Variants in WDR35 observed in about 807,000 individuals in gnomAD.
WDR35 encodes WD repeat-containing protein 35.
A neutral mutation model predicts 158.3 loss-of-function variants in WDR35; 118 were observed. The ratio of observed to expected loss-of-function variants is 0.75; its 90% CI spans 0.64 to 0.87. The LOEUF is 0.87. Among genes scored for constraint, WDR35 ranks in the 40% least tolerant of loss-of-function variants. WDR35 has a pLI of 0.00. For missense variants in WDR35, 1,263 were observed against 1,405.8 expected, an observed-to-expected ratio of 0.90 and a Z score of 1.62; for synonymous variants, 448 against 476.1, an observed-to-expected ratio of 0.94 and a Z score of 0.77.
At position 19,945,917 on chromosome 2, in the gene WDR35, G is replaced by A. The variant is rs981395541; in HGVS notation, c.1714C>T (p.Gln572Ter). 6.2e-7 allele frequency: 1 copy of A among 1,613,750 alleles called. No individual in the cohort carries two copies. The highest frequency in any genetic ancestry group is 8.5e-7 in the Non-Finnish European group (1 of 1,179,884). The change falls in exon 16 of 27, where the codon CAA becomes TAA. Residue 572 changes from glutamine to a stop codon, truncating the protein, a stop_gained. Coordinates refer to ENST00000281405, the MANE Select transcript of WDR35 (RefSeq NM_020779.4). LOFTEE classifies it high-confidence loss of function. The stretch of plus-strand genomic sequence containing the variant: ...AATTTTAACAACTCTCCAACTACTT[G>A]CTGTCCCGTACTGTCCGTTACTCGA... ...DARVTDSTGQ[Q>*]VVGELLKLER...
intron 25 of WDR35, among the ~76,000 whole-genome samples, chr2:19,926,410 T>G (rs1285888603): frequency 1.3e-5 from 2 of 152,250 alleles, no homozygotes; most frequent in Non-Finnish European, 2.9e-5. Context: ...ATACTTCAGT[T>G]CAAAAAGCGA....
In WDR35 at chr2:19,910,360, G is replaced by A. The variant is rs1669795014; in HGVS notation, c.*3198C>T. ...TGGAATACAGAAAAATAGTTTCAAAGTGTATTTTAGCAAAACAATTTATAA... is the reference window on the plus strand; with the variant it reads ...TGGAATACAGAAAAATAGTTTCAAAATGTATTTTAGCAAAACAATTTATAA... On this transcript the variant is annotated 3_prime_UTR_variant, in exon 27 of 27. Transcript: ENST00000281405. 6.6e-6 allele frequency: 1 copy of A among 152,132 alleles called. No homozygotes were observed. The highest frequency in any genetic ancestry group is 2.1e-4 in the South Asian group (1 of 4,826). The allele number at this position is 152,132 out of a possible 1,614,324, so 9.4% of individuals were successfully genotyped here.
At chr2:19,963,510 C>T (rs1219796784) in intron 10 of WDR35, among the ~76,000 whole-genome samples, 1 of 152,068 alleles carries the variant, frequency 6.6e-6, no homozygotes, top group Non-Finnish European at 1.5e-5. Context: ...TCTCTTGGAG[C>T]CTTCTGACCT....
At chr2:19,915,521 C>T (rs1031197314) in intron 25 of WDR35, among the ~76,000 whole-genome samples, 1 of 151,014 alleles carries the variant, frequency 6.6e-6, no homozygotes, top group African/African-American at 2.4e-5. Context: ...TCTTTTAAGT[C>T]TAGAAATGGT....
intron 25 of WDR35, among the ~76,000 whole-genome samples, chr2:19,916,017 G>A (rs575908407): frequency 8.1e-4 from 124 of 152,216 alleles, no homozygotes; most frequent in Admixed American, 1.5e-3. Context: ...CGCAGAAGGT[G>A]GGTGATTTCC....
chr2:19,928,873 C>T (rs1670441689), intron 25 of WDR35, among the ~76,000 whole-genome samples: 1 of 151,302 alleles, frequency 6.6e-6, no homozygotes, highest in Non-Finnish European at 1.5e-5. Flanking sequence ...GCGGTGCGAT[C>T]TCGGCTCACT....
intron 25 of WDR35, among the ~76,000 whole-genome samples, chr2:19,916,617 C>T (rs772226298): frequency 1.8e-4 from 28 of 152,268 alleles, no homozygotes; most frequent in African/African-American, 6.5e-4. Flanking sequence ...TAAACAAAGC[C>T]GCTGGGAAGT....
At chr2:19,932,704 T>TTACA (rs1223013401) in intron 22 of WDR35, among the ~76,000 whole-genome samples, 6 of 152,314 alleles carry the variant, frequency 3.9e-5, no homozygotes, top group Admixed American at 2.6e-4. Flanking sequence ...TATAATCATA[T>TTACA]TAATCTTGTA....
Position 19,952,781 on chromosome 2 carries a change from C to CTTTTTT in WDR35, c.1400+1047_1400+1052dup, listed in dbSNP as rs773596785. On this transcript the variant is annotated intron_variant, in intron 12 of 26. Transcript: ENST00000281405. Reference sequence around the variant, plus strand: ...CACATGAATTCGCATACTCAACATACTTTTTTTTTTTTTTTTTTTTTTTTT... The same window carrying CTTTTTT: ...CACATGAATTCGCATACTCAACATACTTTTTTTTTTTTTTTTTTTTTTTTTTTTTTT... Among the ~76,000 whole-genome samples the CTTTTTT allele has an allele frequency of 7.9e-4, 68 of 86,290 alleles. 1 individual carries two copies. Among genetic ancestry groups the CTTTTTT allele is most frequent in the Non-Finnish European group, 9.7e-4 (45 of 46,498 alleles). The allele number at this position is 86,290 out of a possible 152,430, so 56.6% of individuals were successfully genotyped here.
At chr2:19,981,073 G>C (rs576857407) in intron 3 of WDR35, among the ~76,000 whole-genome samples, 1 of 152,206 alleles carries the variant, frequency 6.6e-6, no homozygotes, top group Non-Finnish European at 1.5e-5. Context: ...ACAAATACAA[G>C]CATGGTTTAC....
At chr2:19,971,019 ACATT>A (rs1463255011) in intron 8 of WDR35, among the ~76,000 whole-genome samples, 2 of 151,946 alleles carry the variant, frequency 1.3e-5, no homozygotes, top group Non-Finnish European at 2.9e-5. Context: ...CAATAAATAT[ACATT>A]CAAATTTTTT....
intron 11 of WDR35, among the ~76,000 whole-genome samples, chr2:19,959,510 T>C (rs1228351238): frequency 1.3e-5 from 2 of 151,990 alleles, no homozygotes; most frequent in African/African-American, 2.4e-5. Context: ...ATAAAACATA[T>C]AAACATGCCT....
chr2:19,958,252 C>T (rs1671511661), intron 11 of WDR35, among the ~76,000 whole-genome samples: 1 of 152,206 alleles, frequency 6.6e-6, no homozygotes. Flanking sequence ...ACTTTCCATG[C>T]CTTCATTCCT....
At chr2:19,964,861 CCTTTT>C (rs1671798368) in intron 10 of WDR35, among the ~76,000 whole-genome samples, 1 of 152,088 alleles carries the variant, frequency 6.6e-6, no homozygotes, top group Non-Finnish European at 1.5e-5. Context: ...TCTATAGTAT[CCTTTT>C]CTTATTTTAT....
intron 26 of WDR35, 78 bp from the exon 27 acceptor site, chr2:19,913,786 A>C: frequency 6.3e-7 from 1 of 1,580,356 alleles, no homozygotes; most frequent in Non-Finnish European, 8.6e-7. Flanking sequence ...ACTTAAAAAA[A>C]ACCTAAAGAA....
At chr2:19,955,930 A>G (rs1165206525) in intron 11 of WDR35, among the ~76,000 whole-genome samples, 1 of 152,028 alleles carries the variant, frequency 6.6e-6, no homozygotes, top group East Asian at 1.9e-4. Flanking sequence ...TTCTTTTTTC[A>G]CTGTAACTGT....
rs1177828657 is a variant in WDR35, at chr2:19,911,511, T to G, written c.*2047A>C. 6.6e-6 allele frequency: 1 copy of G among 152,278 alleles called. No individual in the cohort carries two copies. The highest frequency in any genetic ancestry group is 2.4e-5 in the African/African-American group (1 of 41,480). The allele number at this position is 152,278 out of a possible 1,614,324, so 9.4% of individuals were successfully genotyped here. On this transcript the variant is annotated 3_prime_UTR_variant, in exon 27 of 27. Coordinates refer to ENST00000281405, the MANE Select transcript of WDR35 (RefSeq NM_020779.4). ...GGAAAGATGCAAGTTCAACAGGAGA[T>G]GTACTGTCTTAGACAGACTTCTTTG... is the stretch of plus-strand genomic sequence containing the variant.
In WDR35 at chr2:19,964,549, A is replaced by G. The variant is rs376179711; in HGVS notation, c.1194+2175T>C. 4.0e-5 allele frequency among the ~76,000 whole-genome samples: 6 copies of G among 151,570 alleles called. No homozygotes were observed. In the East Asian group the frequency reaches 1.2e-3, roughly 30 times the overall value. On this transcript the variant is annotated intron_variant, in intron 10 of 26. Coordinates refer to ENST00000281405, the MANE Select transcript of WDR35 (RefSeq NM_020779.4). ...CAGGCACACGCTGCCACGCCCGGCT[A>G]ATTTTTTCTATTTTAGTAGAGACAG... is the stretch of plus-strand genomic sequence containing the variant.
At chr2:19,915,858 G>A (rs115961576) in intron 25 of WDR35, among the ~76,000 whole-genome samples, 12 of 150,846 alleles carry the variant, frequency 8.0e-5, no homozygotes, top group South Asian at 4.2e-4. Flanking sequence ...CTCGTGGAGC[G>A]TGCAGTGAGC....
Sources: gnomAD v4.1 joint callset for allele counts (sites outside exome capture counted in the v4.1 genomes callset) on GRCh38, gnomAD v4.1.1 for gene constraint, MANE v1.5 for transcripts, NCBI Gene and HGNC (gene_info 2026-07-23, HGNC 2026-07-21) for gene names.